TUBB6: variants seen among roughly 807,000 people sequenced by gnomAD.
TUBB6 encodes tubulin beta 6 class V, also known as tubulin beta-6 chain.
A neutral mutation model predicts 32.3 loss-of-function variants in TUBB6; 18 were observed. The ratio of observed to expected loss-of-function variants is 0.56; its 90% confidence interval spans 0.39 to 0.83. The LOEUF (loss-of-function observed/expected upper bound fraction) is 0.83, where lower values mean the gene tolerates loss of function less well. Among genes scored for constraint, TUBB6 ranks in the 40% least tolerant of loss-of-function variants. The pLI is 0.00. For missense variants in TUBB6, 480 were observed against 632.0 expected (o/e 0.76, Z 2.58); for synonymous variants, 280 against 265.8 (o/e 1.05, Z -0.52).
rs150941708 is a variant in TUBB6, at chr18:12,321,991, A to G, written c.278-3076A>G. On this transcript the variant is annotated intron_variant, in intron 3 of 3. Transcript: ENST00000317702. ...TGACCTGCAAGTTAGGTCGTTTCCAATTCTGCTTTCTTCAACATTGAGTTG... is the reference window on the plus strand; with the variant it reads ...TGACCTGCAAGTTAGGTCGTTTCCAGTTCTGCTTTCTTCAACATTGAGTTG... Among the ~76,000 whole-genome samples the G allele has an allele frequency of 6.7e-4, 102 of 152,260 alleles. No homozygotes were observed. The East Asian group carries it at 0.017, about 26-fold the overall frequency.
rs150936029 is a variant in TUBB6, at chr18:12,324,873, GCTA to G, written c.278-191_278-189del. ...TATACATCTTTAAAATTGACCAGTA[GCTA>G]CTTTGACTTGCCTAAAAACGTACCA... is the stretch of plus-strand genomic sequence containing the variant. On this transcript the variant is annotated intron_variant, in intron 3 of 3. Coordinates refer to ENST00000317702, the MANE Select transcript of TUBB6 (RefSeq NM_032525.3). 1,562 of 1,399,952 alleles carry G rather than the reference GCTA, an allele frequency of 1.1e-3. 21 individuals carry two copies. The African/African-American group carries it at 0.021, about 19-fold the overall frequency. 86.7% of individuals were successfully genotyped at this position (1,399,952 alleles called of 1,614,324 possible).
At chr18:12,329,747 T>C, downstream of TUBB6, 4 of 1,614,242 alleles carry the variant, frequency 2.5e-6, no homozygotes, top group Non-Finnish European at 3.4e-6. Flanking sequence ...ATATCATTCT[T>C]ATCTAATACT....
At chr18:12,308,566 G>T in intron 1 of TUBB6, 121 bp from the exon 2 acceptor site, 3 of 811,746 alleles carry the variant, frequency 3.7e-6, no homozygotes, top group South Asian at 1.8e-5. Flanking sequence ...AACTGGGAGC[G>T]GCTGCCGGCG....
chr18:12,324,899 C>G (rs1281544816), intron 3 of TUBB6, 168 bp from the exon 4 acceptor site: 3 of 1,440,192 alleles, frequency 2.1e-6, no homozygotes, highest in Non-Finnish European at 2.7e-6. Flanking sequence ...TAAAAACGTA[C>G]CAGTGCATCT....
upstream of TUBB6, chr18:12,308,076 G>C (rs117110301): frequency 0.091 from 14,474 of 158,428 alleles, 829 homozygotes; most frequent in Middle Eastern, 0.19. Context: ...CCCGGCTCCC[G>C]GCAAGGGTCC....
At chr18:12,310,017 A>G (rs1906274051) in intron 2 of TUBB6, among the ~76,000 whole-genome samples, 1 of 152,192 alleles carries the variant, frequency 6.6e-6, no homozygotes, top group Admixed American at 6.5e-5. Context: ...CTAAAGTTGT[A>G]AAACTTCCTA....
chr18:12,308,562 G>A (rs986829921), intron 1 of TUBB6, 125 bp from the exon 2 acceptor site: 10 of 813,434 alleles, frequency 1.2e-5, no homozygotes, highest in African/African-American at 3.6e-5. Flanking sequence ...TCCCAACTGG[G>A]AGCGGCTGCC....
Position 12,308,404 on chromosome 18 carries a change from G to A in TUBB6, c.57+55G>A, listed in dbSNP as rs1231650835. 1.0e-5 allele frequency: 13 copies of A among 1,278,164 alleles called. No individual in the cohort carries two copies. In the African/African-American group the frequency reaches 1.9e-4, roughly 19 times the overall value. 79.2% of individuals were successfully genotyped at this position (1,278,164 alleles called of 1,614,324 possible). ...GCGGGTCGGCTGCTGGCGGGCCCCG[G>A]GTCTCCCGGCGCGACCCCCGCCGGG... On this transcript the variant is annotated intron_variant, in intron 1 of 3. Transcript: ENST00000317702.
chr18:12,308,480 C>A, intron 1 of TUBB6, 131 bp downstream of exon 1: 1 of 829,702 alleles, frequency 1.2e-6, no homozygotes, highest in Non-Finnish European at 1.7e-6. Context: ...TGCGGACCCG[C>A]GAGGGCCGCA....
intron 3 of TUBB6, among the ~76,000 whole-genome samples, chr18:12,322,450 G>A (rs1009421541): frequency 1.3e-5 from 2 of 150,870 alleles, no homozygotes; most frequent in Non-Finnish European, 2.9e-5. Context: ...CATCTTCTAC[G>A]CTTAAGTGAT....
rs1228050961 is a variant in TUBB6 at position 12,325,202 on chromosome 18, C to T, written c.413C>T (p.Ser138Leu). Reference sequence around the variant, plus strand: ...CTGCAGGGCTTCCAGCTCACGCACTCGCTGGGCGGCGGCACGGGCTCAGGC... The same window carrying T: ...CTGCAGGGCTTCCAGCTCACGCACTTGCTGGGCGGCGGCACGGGCTCAGGC... Reference protein sequence around the residue: ...DCLQGFQLTHSLGGGTGSGMG... With the variant: ...DCLQGFQLTHLLGGGTGSGMG... Residue 138 changes from serine (S) to leucine (L), a missense_variant, in exon 4 of 4, where the codon TCG (serine) becomes TTG (leucine). Physicochemically the swap from Ser to Leu is moderately radical, Grantham distance 145. Coordinates refer to ENST00000317702, the MANE Select transcript of TUBB6 (RefSeq NM_032525.3). The T allele has an allele frequency of 1.9e-6, 3 of 1,614,084 alleles. No individual in the cohort carries two copies. Among genetic ancestry groups the T allele is most frequent in the Non-Finnish European group, 2.5e-6 (3 of 1,180,002 alleles).
Position 12,325,344 on chromosome 18 carries a change from C to T in TUBB6, c.555C>T (p.Ala185=), listed in dbSNP as rs1389420345. ...VSDTVVEPYN[A]TLSVHQLVEN... ...ACACGGTGGTGGAGCCCTACAATGC[C>T]ACACTGTCGGTGCACCAGCTGGTGG... The change falls in exon 4 of 4, where the codon GCC becomes GCT. Residue 185 remains alanine (A), a synonymous_variant. Transcript: ENST00000317702. 1 of 1,614,180 alleles carries T rather than the reference C, an allele frequency of 6.2e-7. No individual in the cohort carries two copies. The highest frequency in any genetic ancestry group is 8.5e-7 in the Non-Finnish European group (1 of 1,180,022).
intron 3 of TUBB6, among the ~76,000 whole-genome samples, chr18:12,313,143 T>TG (rs1308252884): frequency 3.7e-5 from 2 of 54,232 alleles, no homozygotes; most frequent in African/African-American, 7.4e-5. Flanking sequence ...TTACACTCCC[T>TG]GGTGAAACAG....
At chr18:12,316,358 C>T (rs1906673900) in intron 3 of TUBB6, among the ~76,000 whole-genome samples, 1 of 152,224 alleles carries the variant, frequency 6.6e-6, no homozygotes, top group South Asian at 2.1e-4. Flanking sequence ...CAAATTAAGA[C>T]AGACCTATGG....
downstream of TUBB6, among the ~76,000 whole-genome samples, chr18:12,328,017 C>G (rs559350247): frequency 6.6e-6 from 1 of 152,352 alleles, no homozygotes; most frequent in South Asian, 2.1e-4. Flanking sequence ...TCATTGGGCA[C>G]CTCCCAAAAA....
Position 12,309,195 on chromosome 18 carries a change from G to A in TUBB6, c.166+400G>A, listed in dbSNP as rs1419831312. ...GGAGACCACCCCCCGCCCCCCTCCC[G>A]CCCCGATCTCTACAACAATTTTAAA... On this transcript the variant is annotated intron_variant, in intron 2 of 3. Coordinates refer to ENST00000317702, the MANE Select transcript of TUBB6 (RefSeq NM_032525.3). Among the ~76,000 whole-genome samples the A allele has an allele frequency of 8.0e-5, 4 of 50,286 alleles. No homozygotes were observed. The Admixed American group carries it at 9.0e-4, about 11-fold the overall frequency. 33.0% of individuals were successfully genotyped at this position (50,286 alleles called of 152,430 possible). A position where few individuals can be genotyped will look rare whatever the true frequency, so the allele number is the denominator to read the frequency against.
Position 12,326,187 on chromosome 18 carries a change from CTGG to C in TUBB6, c.*60_*62del, listed in dbSNP as rs1360896152. ...CAACACGCAAGTTCCTTCTTGAACC[CTGG>C]TGCCTCCTACCCTATGGCCCTGAAT... On this transcript the variant is annotated 3_prime_UTR_variant, in exon 4 of 4. Coordinates refer to ENST00000317702, the MANE Select transcript of TUBB6 (RefSeq NM_032525.3). 1 of 1,559,818 alleles carries C rather than the reference CTGG, an allele frequency of 6.4e-7. No homozygotes were observed. Among genetic ancestry groups the C allele is most frequent in the African/African-American group, 1.4e-5 (1 of 74,040 alleles).
chr18:12,312,005 A>T (rs757604466), intron 3 of TUBB6, among the ~76,000 whole-genome samples: 2 of 152,232 alleles, frequency 1.3e-5, no homozygotes, highest in Non-Finnish European at 2.9e-5. Context: ...AATGTGAAGA[A>T]TTTGAAGACT....
chr18:12,328,995 A>C, downstream of TUBB6: 1 of 594,138 alleles, frequency 1.7e-6, no homozygotes, highest in Non-Finnish European at 3.0e-6. Flanking sequence ...TAAAGAAGCC[A>C]TATTTACATA....
Sources: allele counts gnomAD v4.1 joint callset (sites outside exome capture counted in the v4.1 genomes callset), GRCh38; gene constraint gnomAD v4.1.1; transcripts MANE v1.5; gene names NCBI Gene and HGNC (gene_info 2026-07-23, HGNC 2026-07-21).